SMIM13: variants seen among roughly 807,000 people sequenced by gnomAD.
SMIM13 encodes UPF0766 protein C6orf228.
A neutral mutation model predicts 5.9 loss-of-function variants in SMIM13; 3 were observed. The observed-to-expected ratio is 0.51, with a 90% CI of 0.23 to 1.31. The LOEUF (loss-of-function observed/expected upper bound fraction) is 1.31. Among genes scored for constraint, SMIM13 ranks in the 40% most tolerant of loss-of-function variants. The pLI is 0.18. For missense variants in SMIM13, 85 were observed against 109.9 expected (o/e 0.77, Z 1.01); for synonymous variants, 55 against 46.0 (o/e 1.19, Z -0.79).
At position 11,130,601 on chromosome 6, in the gene SMIM13, A is replaced by C. The variant is rs575814506; in HGVS notation, c.77-3802A>C. ...CTAGAGTTTTTCTCATTGATACCAC[A>C]TTCTGGTTCTGAATTTTGACTTGAG... On this transcript the variant is annotated intron_variant, in intron 1 of 1. Transcript: ENST00000416247. Among the ~76,000 whole-genome samples, 68 of 152,238 alleles carry C rather than the reference A, an allele frequency of 4.5e-4. 1 individual carries two copies. The South Asian group carries it at 0.014, about 31-fold the overall frequency.
chr6:11,114,592 CTTTTTTTTTTT>C (rs58585640), intron 1 of SMIM13, among the ~76,000 whole-genome samples: 85 of 21,866 alleles, frequency 3.9e-3, no homozygotes, highest in African/African-American at 0.016. Context: ...CACTTTTTCT[CTTTTTTTTTTT>C]TTTTTTTTTT....
At chr6:11,109,990 C>T (rs1349394743) in intron 1 of SMIM13, among the ~76,000 whole-genome samples, 1 of 152,230 alleles carries the variant, frequency 6.6e-6, no homozygotes, top group Non-Finnish European at 1.5e-5. Context: ...GTCCCCCATT[C>T]ATTCTAGGGG....
At chr6:11,105,696 G>A in intron 1 of SMIM13, 1 of 191,214 alleles carries the variant, frequency 5.2e-6, no homozygotes. Context: ...GGAATTTGGG[G>A]TTCCATCCTT....
chr6:11,103,006 G>A (rs548848966), intron 1 of SMIM13: 1 of 152,312 alleles, frequency 6.6e-6, no homozygotes, highest in African/African-American at 2.4e-5. Flanking sequence ...ATTGTTCCGG[G>A]GTTTCCATTT....
At chr6:11,121,688 T>C (rs1398225403) in intron 1 of SMIM13, among the ~76,000 whole-genome samples, 2 of 152,246 alleles carry the variant, frequency 1.3e-5, no homozygotes, top group Non-Finnish European at 2.9e-5. Flanking sequence ...TTGTCTTCTC[T>C]TCCACTCATT....
chr6:11,120,214 T>G (rs1758292342), intron 1 of SMIM13, among the ~76,000 whole-genome samples: 2 of 152,244 alleles, frequency 1.3e-5, no homozygotes, highest in Non-Finnish European at 2.9e-5. Flanking sequence ...GCACCTGGGC[T>G]TTTGGACTGA....
At chr6:11,104,189 G>T in intron 1 of SMIM13, 1 of 1,551,682 alleles carries the variant, frequency 6.4e-7, no homozygotes, top group Non-Finnish European at 8.7e-7. Context: ...AAGCTTTTGT[G>T]ATTCCAGCAA....
In SMIM13 at chr6:11,135,850, T is replaced by C. The variant is rs1758511372; in HGVS notation, c.*1248T>C. 1 of 152,246 alleles carries C rather than the reference T, an allele frequency of 6.6e-6. No homozygotes were observed. 9.4% of individuals were successfully genotyped at this position (152,246 alleles called of 1,614,324 possible). On this transcript the variant is annotated 3_prime_UTR_variant, in exon 2 of 2. Transcript: ENST00000416247. ...TGTCATAGTTTAATGGGCAGTGTTT[T>C]TTCTTAGTGATACATATGGTGCATC...
intron 1 of SMIM13, among the ~76,000 whole-genome samples, chr6:11,123,511 T>C (rs184524893): frequency 6.6e-6 from 1 of 152,286 alleles, no homozygotes; most frequent in East Asian, 1.9e-4. Flanking sequence ...ACCAATACCA[T>C]AGATGAATAG....
At chr6:11,117,149 C>A (rs1197535761) in intron 1 of SMIM13, among the ~76,000 whole-genome samples, 3 of 146,348 alleles carry the variant, frequency 2.0e-5, no homozygotes, top group Non-Finnish European at 4.5e-5. Context: ...TGCCACCACG[C>A]CCGGCTAATT....
intron 1 of SMIM13, among the ~76,000 whole-genome samples, chr6:11,116,112 G>A (rs1758236673): frequency 7.0e-6 from 1 of 143,046 alleles, no homozygotes; most frequent in South Asian, 2.2e-4. Flanking sequence ...CCGCCTCCCA[G>A]GTTCAAGCGA....
chr6:11,116,008 C>CTTTTTTTTTTTTT (rs35527082), intron 1 of SMIM13, among the ~76,000 whole-genome samples: 2 of 78,490 alleles, frequency 2.5e-5, no homozygotes, highest in African/African-American at 1.0e-4. Context: ...CTTCCTTCCT[C>CTTTTTTTTTTTTT]TTTTTTTTTT....
At chr6:11,105,016 C>A (rs758368739) in intron 1 of SMIM13, 1 of 1,614,170 alleles carries the variant, frequency 6.2e-7, no homozygotes, top group Admixed American at 1.7e-5. Context: ...TCAGGGAAAT[C>A]TTGCTTTACT....
At chr6:11,110,842 C>T (rs1389352102) in intron 1 of SMIM13, among the ~76,000 whole-genome samples, 1 of 152,158 alleles carries the variant, frequency 6.6e-6, no homozygotes, top group African/African-American at 2.4e-5. Flanking sequence ...GAGAATTTTC[C>T]TTCCCCACAA....
chr6:11,123,882 GGGTACATAGTA>G (rs1304996537), intron 1 of SMIM13, among the ~76,000 whole-genome samples: 2 of 151,726 alleles, frequency 1.3e-5, no homozygotes, highest in East Asian at 3.9e-4. Flanking sequence ...TTATTTTTGT[GGGTACATAGTA>G]GGTACATATA....
chr6:11,108,693 C>T (rs540038465), intron 1 of SMIM13, among the ~76,000 whole-genome samples: 48 of 152,304 alleles, frequency 3.2e-4, no homozygotes, highest in African/African-American at 1.2e-3. Context: ...TCCTACTCCT[C>T]CTGGTTTTGG....
chr6:11,120,980 A>G (rs1758300583), intron 1 of SMIM13, among the ~76,000 whole-genome samples: 1 of 152,210 alleles, frequency 6.6e-6, no homozygotes. Context: ...TGCTGCCAGC[A>G]TGTTTATCTT....
intron 1 of SMIM13, chr6:11,104,325 G>C: frequency 6.4e-7 from 1 of 1,551,742 alleles, no homozygotes; most frequent in Non-Finnish European, 8.7e-7. Flanking sequence ...ATTGCCAGGG[G>C]CTATGAAGAT....
At chr6:11,125,655 T>G (rs1758368497) in intron 1 of SMIM13, among the ~76,000 whole-genome samples, 1 of 152,150 alleles carries the variant, frequency 6.6e-6, no homozygotes, top group South Asian at 2.1e-4. Flanking sequence ...CATGCCACCC[T>G]CTCCTGACCT....
Sources: allele counts gnomAD v4.1 joint callset (sites outside exome capture counted in the v4.1 genomes callset), GRCh38; gene constraint gnomAD v4.1.1; transcripts MANE v1.5; gene names NCBI Gene and HGNC (gene_info 2026-07-23, HGNC 2026-07-21).